SLC18A2: variants seen among roughly 807,000 people sequenced by gnomAD.
SLC18A2 encodes the protein solute carrier family 18 member A2.
In SLC18A2, 33 loss-of-function variants were observed where a neutral mutation model predicts 59.2. That is an observed-to-expected ratio of 0.56 (90% CI 0.42 to 0.75). The LOEUF is 0.75. SLC18A2 is among the 30% of genes least tolerant of loss of function. SLC18A2 has a pLI of 0.00. For missense variants in SLC18A2, 569 were observed against 668.6 expected (o/e 0.85, Z 1.64); for synonymous variants, 228 against 253.5 (o/e 0.90, Z 0.95).
At chr10:117,257,724 G>A (rs571963801) in intron 9 of SLC18A2, 73 bp from the exon 10 acceptor site, 21 of 884,362 alleles carry the variant, frequency 2.4e-5, no homozygotes, top group African/African-American at 3.4e-5. Flanking sequence ...AGCTGTAGGC[G>A]CATGGAGTCT....
rs538060578 is a variant in SLC18A2 at position 117,254,571 on chromosome 10, A to T, written c.700+74A>T. ...TGCTGGACAGCGGCAGTCCTCGCCCAGTGACCCTGGCGCAGTTTGCACTGA... is the reference window on the plus strand; with the variant it reads ...TGCTGGACAGCGGCAGTCCTCGCCCTGTGACCCTGGCGCAGTTTGCACTGA... On this transcript the variant is annotated intron_variant, in intron 6 of 15. Transcript: ENST00000644641. 11 of 1,094,722 alleles carry T rather than the reference A, an allele frequency of 1.0e-5. No homozygotes were observed. The East Asian group carries it at 1.5e-4, about 15-fold the overall frequency. 67.8% of individuals were successfully genotyped at this position (1,094,722 alleles called of 1,614,324 possible). A position where few individuals can be genotyped will look rare whatever the true frequency, so the allele number is the denominator to read the frequency against.
intron 13 of SLC18A2, among the ~76,000 whole-genome samples, chr10:117,268,940 GCA>G (rs1178782840): frequency 2.6e-5 from 4 of 151,328 alleles, no homozygotes; most frequent in Admixed American, 6.6e-5. Context: ...AAACACACAT[GCA>G]CACACATACA....
Position 117,269,248 on chromosome 10 carries a change from CAT to C in SLC18A2, c.1187-819_1187-818del, listed in dbSNP as rs200452695. On this transcript the variant is annotated intron_variant, in intron 13 of 15. Transcript: ENST00000644641. The surrounding 1 kb of genome is among the most constrained non-coding windows in gnomAD (Gnocchi z 5.1). ...ACAAATACAAGTACATACACAAACA[CAT>C]ATACACAGACACATACACATGCAAA... is the stretch of plus-strand genomic sequence containing the variant. Among the ~76,000 whole-genome samples, 139 of 151,664 alleles carry C rather than the reference CAT, an allele frequency of 9.2e-4. 2 individuals are homozygous for C. The highest frequency in any genetic ancestry group is 3.1e-3 in the African/African-American group (129 of 41,416).
At chr10:117,276,790 G>A (rs1844502143) in intron 15 of SLC18A2, among the ~76,000 whole-genome samples, 1 of 152,060 alleles carries the variant, frequency 6.6e-6, no homozygotes, top group Admixed American at 6.5e-5. Context: ...CTACAATGAC[G>A]TCTGTAAACA....
chr10:117,253,975 T>C, intron 4 of SLC18A2, 73 bp from the exon 5 acceptor site: 2 of 1,413,132 alleles, frequency 1.4e-6, no homozygotes, highest in Admixed American at 3.4e-5. Context: ...GGGGGGCTTC[T>C]GAAACGTTCC....
rs116629695 is a variant in SLC18A2 at position 117,276,009 on chromosome 10, G to A, written c.1441-1153G>A. ...GACAATATGGTCTTAAAAGATTGGG[G>A]GCCAAGCATGGTCACTTGCACCTGT... On this transcript the variant is annotated intron_variant, in intron 15 of 15. Transcript: ENST00000644641. Among the ~76,000 whole-genome samples the A allele has an allele frequency of 2.6e-3, 394 of 152,152 alleles. 1 individual carries two copies. Among genetic ancestry groups the A allele is most frequent in the African/African-American group, 8.1e-3 (337 of 41,510 alleles).
intron 3 of SLC18A2, among the ~76,000 whole-genome samples, chr10:117,249,862 C>G (rs1041463610): frequency 2.0e-5 from 3 of 152,124 alleles, no homozygotes; most frequent in African/African-American, 7.2e-5. Flanking sequence ...CTTCGTGATG[C>G]TCTGTAGAGG....
intron 15 of SLC18A2, among the ~76,000 whole-genome samples, chr10:117,276,559 A>T (rs1482213719): frequency 6.9e-6 from 1 of 144,018 alleles, no homozygotes; most frequent in African/African-American, 2.6e-5. Flanking sequence ...GGTTGCAGTG[A>T]GTCAAGATCA....
At chr10:117,250,488 G>C (rs1844151633) in intron 3 of SLC18A2, among the ~76,000 whole-genome samples, 1 of 152,162 alleles carries the variant, frequency 6.6e-6, no homozygotes, top group South Asian at 2.1e-4. Flanking sequence ...AAATTAAAAA[G>C]AAAAACAGTA....
Position 117,270,337 on chromosome 10 carries a change from T to C in SLC18A2, c.1314T>C (p.Ser438=). 2 of 1,614,236 alleles carry C rather than the reference T, an allele frequency of 1.2e-6. No homozygotes were observed. The highest frequency in any genetic ancestry group is 1.7e-6 in the Non-Finnish European group (2 of 1,180,040). ...TTCTCTGTTTCCTGAAAGGTCCTTC[T>C]GCTGGTGGTGCTATTGCAAAGGCAA... ...AFCMGYAIGP[S]AGGAIAKAIG... Residue 438 remains serine (S), a synonymous_variant, in exon 15 of 16, where the codon TCT becomes TCC. Transcript: ENST00000644641.
rs1844526096 is a variant in SLC18A2, at chr10:117,278,148, CAA to C, written c.*883_*884del. ...CTACTTCAAGTTTTAGAAAAGGAAA[CAA>C]GAAGCTGAAAACAGCTGCTCTGACT... On this transcript the variant is annotated 3_prime_UTR_variant, in exon 16 of 16. Transcript: ENST00000644641. The C allele has an allele frequency of 6.6e-6, 1 of 152,142 alleles. No homozygotes were observed. The highest frequency in any genetic ancestry group is 1.5e-5 in the Non-Finnish European group (1 of 68,010). 9.4% of individuals were successfully genotyped at this position (152,142 alleles called of 1,614,324 possible).
In SLC18A2 at chr10:117,277,863, A is replaced by C. The variant is rs1241845547; in HGVS notation, c.*597A>C. The C allele has an allele frequency of 1.3e-5, 2 of 152,228 alleles. No homozygotes were observed. Among genetic ancestry groups the C allele is most frequent in the African/African-American group, 2.4e-5 (1 of 41,458 alleles). 9.4% of individuals were successfully genotyped at this position (152,228 alleles called of 1,614,324 possible). A position where few individuals can be genotyped will look rare whatever the true frequency, so the allele number is the denominator to read the frequency against. On this transcript the variant is annotated 3_prime_UTR_variant, in exon 16 of 16. Coordinates refer to ENST00000644641, the MANE Select transcript of SLC18A2 (RefSeq NM_003054.6). ...TTTGAATCCATAAATCTTAGCTGGCATTAGTTTTCTATGTAATCACCTACC... is the reference window on the plus strand; with the variant it reads ...TTTGAATCCATAAATCTTAGCTGGCCTTAGTTTTCTATGTAATCACCTACC...
At chr10:117,253,824 C>T (rs867731421) in intron 4 of SLC18A2, among the ~76,000 whole-genome samples, 3 of 152,070 alleles carry the variant, frequency 2.0e-5, no homozygotes, top group Admixed American at 2.0e-4. Flanking sequence ...GCAGCCTGGG[C>T]GACAGAGCAA....
chr10:117,253,835 G>T lies in SLC18A2; in HGVS notation c.524-213G>T, dbSNP rs182337995. ...CACTGCAGCCTGGGCGACAGAGCAA[G>T]ACTCCATCTCAAAAAAAAGTATATG... is the stretch of plus-strand genomic sequence containing the variant. On this transcript the variant is annotated intron_variant, in intron 4 of 15. Transcript: ENST00000644641. Among the ~76,000 whole-genome samples, 133 of 152,320 alleles carry T rather than the reference G, an allele frequency of 8.7e-4. No homozygotes were observed. In the East Asian group the frequency reaches 0.022, roughly 25 times the overall value.
intron 3 of SLC18A2, among the ~76,000 whole-genome samples, chr10:117,250,163 C>T (rs946930366): frequency 1.3e-5 from 2 of 152,198 alleles, no homozygotes; most frequent in Non-Finnish European, 2.9e-5. Flanking sequence ...CCAGGAGCTT[C>T]CCAGGGAGTC....
At chr10:117,257,249 C>T (rs1295290563) in intron 9 of SLC18A2, among the ~76,000 whole-genome samples, 1 of 152,150 alleles carries the variant, frequency 6.6e-6, no homozygotes, top group African/African-American at 2.4e-5. Flanking sequence ...GTTAAGAGAT[C>T]ATGAATATTT....
intron 3 of SLC18A2, 79 bp downstream of exon 3, chr10:117,244,392 T>C: frequency 2.3e-6 from 3 of 1,307,742 alleles, no homozygotes; most frequent in Non-Finnish European, 3.2e-6. Flanking sequence ...TTCTGCTTCT[T>C]ACTCATTGGT....
intron 4 of SLC18A2, 145 bp downstream of exon 4, chr10:117,253,602 T>C (rs577145951): frequency 4.6e-5 from 25 of 538,672 alleles, no homozygotes; most frequent in South Asian, 4.6e-4. Flanking sequence ...TCCGAGCACT[T>C]TGGGAGGCTG....
chr10:117,244,029 C>T lies in SLC18A2; in HGVS notation c.180C>T (p.Ile60=), dbSNP rs764091593. 6.2e-7 allele frequency: 1 copy of T among 1,614,162 alleles called. No homozygotes were observed. Among genetic ancestry groups the T allele is most frequent in the Admixed American group, 1.7e-5 (1 of 60,020 alleles). ...SIKHEKNATE[I]QTARPVHTAS... is the part of the protein sequence containing the mutation. ...AGCATGAGAAGAATGCTACAGAAATCCAGACGGCCAGGCCAGTGCACACTG... is the reference window on the plus strand; with the variant it reads ...AGCATGAGAAGAATGCTACAGAAATTCAGACGGCCAGGCCAGTGCACACTG... The change falls in exon 3 of 16, where the codon ATC becomes ATT. Residue 60 remains isoleucine, a synonymous_variant. Coordinates refer to ENST00000644641, the MANE Select transcript of SLC18A2 (RefSeq NM_003054.6).
Sources: gnomAD v4.1 joint callset for allele counts (sites outside exome capture counted in the v4.1 genomes callset) on GRCh38, gnomAD v4.1.1 for gene constraint, Gnocchi (gnomAD v3.1) non-coding constraint, MANE v1.5 for transcripts, NCBI Gene and HGNC (gene_info 2026-07-23, HGNC 2026-07-21) for gene names.